NHSL2: variants seen among roughly 807,000 people sequenced by gnomAD.
NHSL2 encodes the protein NHS-like protein 2.
NHSL2 carries 27 observed loss-of-function variants against 53.4 expected under a neutral mutation model. The ratio of observed to expected loss-of-function variants is 0.51; its 90% CI spans 0.37 to 0.70. The LOEUF (loss-of-function observed/expected upper bound fraction) is 0.70. Ranked by LOEUF, NHSL2 falls within the 30% of genes least tolerant of loss-of-function variation. The pLI is 0.00. For missense variants in NHSL2, 892 were observed against 980.1 expected (o/e 0.91, Z 1.20); for synonymous variants, 408 against 404.1 (o/e 1.01, Z -0.12).
chrX:71,980,569 GGTGTGTGTGT>G (rs60984696), intron 1 of NHSL2, among the ~76,000 whole-genome samples: 4 of 2,009 alleles, frequency 2.0e-3, no homozygotes, highest in Non-Finnish European at 3.1e-3. Context: ...GGGTGTGTGG[GGTGTGTGTGT>G]GTGTGTGTGT....
Position 72,152,830 on chromosome X carries a change from G to A in NHSL2, c.*9256G>A, listed in dbSNP as rs1417827416. 1 of 112,730 alleles carries A rather than the reference G, an allele frequency of 8.9e-6. No individual in the cohort carries two copies. The highest frequency in any genetic ancestry group is 3.2e-5 in the African/African-American group (1 of 31,044). 9.3% of individuals were successfully genotyped at this position (112,730 alleles called of 1,213,427 possible). On this transcript the variant is annotated 3_prime_UTR_variant, in exon 8 of 8. Coordinates refer to ENST00000633930, the MANE Select transcript of NHSL2 (RefSeq NM_001013627.3). The stretch of plus-strand genomic sequence containing the variant: ...GGCTTGTGCCTTGGATCCAAAAGCA[G>A]CAAAAATACTACACTTGCCAAAAGC...
At chrX:71,943,809 T>C (rs1402522765) in intron 1 of NHSL2, among the ~76,000 whole-genome samples, 2 of 112,290 alleles carry the variant, frequency 1.8e-5, no homozygotes, top group Non-Finnish European at 3.8e-5. Context: ...CTTAAACAAA[T>C]AGAGGTTTAT....
In NHSL2 at chrX:72,061,638, A is replaced by G. The variant is rs934597656; in HGVS notation, c.281-70441A>G. Among the ~76,000 whole-genome samples the G allele has an allele frequency of 5.4e-5, 6 of 111,800 alleles. No individual in the cohort carries two copies. In the Admixed American group the frequency reaches 5.7e-4, roughly 11 times the overall value. ...TGGTGGTCTTTTAAACATTTAAATC[A>G]TATCCTGTCGCTCCCTTGCTTAAAA... is the stretch of plus-strand genomic sequence containing the variant. On this transcript the variant is annotated intron_variant, in intron 1 of 7. Coordinates refer to ENST00000633930, the MANE Select transcript of NHSL2 (RefSeq NM_001013627.3).
intron 1 of NHSL2, among the ~76,000 whole-genome samples, chrX:72,032,372 C>T (rs1310127696): frequency 3.6e-5 from 4 of 110,334 alleles, no homozygotes; most frequent in African/African-American, 6.6e-5. Flanking sequence ...CCAGCCTGGG[C>T]GAAAGAGCGA....
chrX:72,089,213 C>T (rs1314257255), intron 1 of NHSL2, among the ~76,000 whole-genome samples: 1 of 107,221 alleles, frequency 9.3e-6, no homozygotes, highest in Non-Finnish European at 1.9e-5. Context: ...TCAATACTTG[C>T]CTTGCCTACC....
chrX:71,989,318 C>T (rs1281372731), intron 1 of NHSL2, among the ~76,000 whole-genome samples: 1 of 91,515 alleles, frequency 1.1e-5, no homozygotes, highest in Non-Finnish European at 2.1e-5. Context: ...CACTGCACTC[C>T]AGCCTGGGCG....
At chrX:72,121,850 A>G (rs1398313646) in intron 1 of NHSL2, among the ~76,000 whole-genome samples, 1 of 111,986 alleles carries the variant, frequency 8.9e-6, no homozygotes, top group East Asian at 2.8e-4. Context: ...TAGGAATGTA[A>G]GTGACAAACC....
chrX:72,036,078 C>CA (rs1379689322), intron 1 of NHSL2, among the ~76,000 whole-genome samples: 6 of 112,087 alleles, frequency 5.4e-5, no homozygotes, highest in African/African-American at 1.6e-4. Context: ...CAGTTTCATC[C>CA]CAAAACCATC....
intron 1 of NHSL2, among the ~76,000 whole-genome samples, chrX:72,112,806 C>T (rs1024968529): frequency 9.0e-6 from 1 of 111,306 alleles, no homozygotes; most frequent in African/African-American, 3.3e-5. Flanking sequence ...TCTCCTGCCT[C>T]AGCCTCCAAA....
chrX:72,085,714 TG>T (rs1224322115), intron 1 of NHSL2, among the ~76,000 whole-genome samples: 84 of 65,171 alleles, frequency 1.3e-3, no homozygotes, highest in African/African-American at 3.2e-3. Context: ...GTTTTTTTTT[TG>T]TTTTTTTTTT....
At chrX:72,076,094 C>T (rs2041740260) in intron 1 of NHSL2, among the ~76,000 whole-genome samples, 1 of 110,619 alleles carries the variant, frequency 9.0e-6, no homozygotes, top group African/African-American at 3.3e-5. Context: ...CCACCACGCC[C>T]AGCTAATTTT....
intron 4 of NHSL2, among the ~76,000 whole-genome samples, chrX:72,136,366 C>T (rs1245067985): frequency 1.8e-5 from 2 of 112,198 alleles, no homozygotes; most frequent in Admixed American, 1.9e-4. Flanking sequence ...AGTAAACAAA[C>T]TGAATTAACA....
intron 1 of NHSL2, among the ~76,000 whole-genome samples, chrX:71,921,651 A>T (rs1262960004): frequency 9.0e-6 from 1 of 111,534 alleles, no homozygotes; most frequent in Admixed American, 9.5e-5. Context: ...ACTGGGTTGG[A>T]TCCCTACACC....
At position 72,134,231 on chromosome X, in the gene NHSL2, A is replaced by T; in HGVS notation, c.564+13A>T. 8.6e-7 allele frequency: 1 copy of T among 1,161,898 alleles called. No individual in the cohort carries two copies. Among genetic ancestry groups the T allele is most frequent in the South Asian group, 1.9e-5 (1 of 52,069 alleles). ...GTTTATATTGATGGTGAGTTGCCTC[A>T]TCCCCCACCTGGGAGAGCCAGCATG... On this transcript the variant is annotated intron_variant, in intron 3 of 7. Coordinates refer to ENST00000633930, the MANE Select transcript of NHSL2 (RefSeq NM_001013627.3).
At chrX:72,115,447 G>A (rs2042130737) in intron 1 of NHSL2, among the ~76,000 whole-genome samples, 1 of 93,391 alleles carries the variant, frequency 1.1e-5, no homozygotes, top group Non-Finnish European at 2.1e-5. Context: ...GGGGGTGCGG[G>A]GGGCGTGAGA....
At chrX:71,987,421 C>T (rs1450653772) in intron 1 of NHSL2, among the ~76,000 whole-genome samples, 2 of 111,038 alleles carry the variant, frequency 1.8e-5, no homozygotes, top group Non-Finnish European at 3.8e-5. Flanking sequence ...TCCATATGTC[C>T]CCAGGCCTTA....
chrX:72,150,844 A>C lies in NHSL2; in HGVS notation c.*7270A>C, dbSNP rs188649611. On this transcript the variant is annotated 3_prime_UTR_variant, in exon 8 of 8. Transcript: ENST00000633930. The stretch of plus-strand genomic sequence containing the variant: ...TTTCGAGGATGCTTAGAGGCTTCTC[A>C]CCAGAGATTGGTGAGGTTTCCCCCA... The C allele has an allele frequency of 6.5e-4, 73 of 112,057 alleles. No homozygotes were observed. Among genetic ancestry groups the C allele is most frequent in the African/African-American group, 2.1e-3 (65 of 30,877 alleles). The allele number at this position is 112,057 out of a possible 1,213,427, so 9.2% of individuals were successfully genotyped here.
chrX:72,027,515 C>T (rs2042191852), intron 1 of NHSL2: 1 of 111,196 alleles, frequency 9.0e-6, no homozygotes, highest in Admixed American at 9.5e-5. Flanking sequence ...TTTGGTCCTG[C>T]CTCCTTTCCT....
At chrX:71,949,453 G>C (rs747565093) in intron 1 of NHSL2, among the ~76,000 whole-genome samples, 1 of 111,676 alleles carries the variant, frequency 9.0e-6, no homozygotes, top group Admixed American at 9.5e-5. Flanking sequence ...AGAAATCTGT[G>C]AAGTCTGGGC....
Sources: allele counts gnomAD v4.1 joint callset (sites outside exome capture counted in the v4.1 genomes callset), GRCh38; gene constraint gnomAD v4.1.1; transcripts MANE v1.5; gene names NCBI Gene and HGNC (gene_info 2026-07-23, HGNC 2026-07-21).